The following ARID5B variants were observed in gnomAD, a reference collection of about 807,000 sequenced individuals.
The protein encoded by ARID5B is AT-rich interactive domain-containing protein 5B.
A neutral mutation model predicts 97.2 loss-of-function variants in ARID5B; 13 were observed. The observed-to-expected ratio is 0.13, with a 90% CI of 0.09 to 0.21. ARID5B has a LOEUF of 0.21. ARID5B is among the 10% of genes least tolerant of loss of function. The pLI is 1.00. For missense variants in ARID5B, 1,210 were observed against 1,465.3 expected, an observed-to-expected ratio of 0.83 and a Z score of 2.84; for synonymous variants, 556 against 570.3, an observed-to-expected ratio of 0.97 and a Z score of 0.36.
intron 4 of ARID5B, among the ~76,000 whole-genome samples, chr10:62,005,310 G>A (rs549549464): frequency 2.6e-5 from 4 of 152,316 alleles, no homozygotes; most frequent in East Asian, 3.9e-4. Flanking sequence ...TCCCTCACTT[G>A]CCCCATCTGT....
At chr10:62,074,525 T>C (rs1040354665) in intron 8 of ARID5B, among the ~76,000 whole-genome samples, 8 of 152,020 alleles carry the variant, frequency 5.3e-5, no homozygotes, top group African/African-American at 1.9e-4. Context: ...CTTCATGTTT[T>C]GAATAAGATA....
At chr10:62,090,342 G>A (rs924504975) in intron 9 of ARID5B, among the ~76,000 whole-genome samples, 1 of 152,182 alleles carries the variant, frequency 6.6e-6, no homozygotes, top group Non-Finnish European at 1.5e-5. Context: ...CTAATCTTCA[G>A]TGCATCATAT....
At chr10:61,943,471 C>G (rs1446219976) in intron 3 of ARID5B, among the ~76,000 whole-genome samples, 1 of 25,482 alleles carries the variant, frequency 3.9e-5, no homozygotes, top group East Asian at 1.4e-3. Flanking sequence ...TTATTTGAGG[C>G]CCCCCCCCTT....
intron 2 of ARID5B, among the ~76,000 whole-genome samples, chr10:61,920,627 GA>G (rs1382794080): frequency 2.0e-5 from 3 of 151,444 alleles, no homozygotes; most frequent in African/African-American, 4.8e-5. Flanking sequence ...TGAGTAGATG[GA>G]AAAAAAAGGA....
Position 61,913,018 on chromosome 10 carries a change from T to G in ARID5B, c.276+10605T>G, listed in dbSNP as rs200940174. Among the ~76,000 whole-genome samples, 5 of 152,350 alleles carry G rather than the reference T, an allele frequency of 3.3e-5. No homozygotes were observed. The South Asian group carries it at 6.2e-4, about 19-fold the overall frequency. On this transcript the variant is annotated intron_variant, in intron 2 of 9. Transcript: ENST00000279873. ...GAATAAAAATGTTCTCACCCATTCCTTTGTCCTCAGACTTTCCTGAATGTG... is the reference window on the plus strand; with the variant it reads ...GAATAAAAATGTTCTCACCCATTCCGTTGTCCTCAGACTTTCCTGAATGTG...
Position 61,902,252 on chromosome 10 carries a change from G to A in ARID5B, c.115G>A (p.Gly39Ser), listed in dbSNP as rs1179582480. The change falls in exon 2 of 10, where the codon GGC becomes AGC. Residue 39 changes from glycine to serine, a missense_variant. By Grantham distance (56) the Gly-to-Ser change is moderately conservative. This residue lies in a region of ARID5B where 80 missense variants were observed against 133.2 expected (regional missense o/e 0.60). Coordinates refer to ENST00000279873, the MANE Select transcript of ARID5B (RefSeq NM_032199.3). The part of the protein sequence containing the change: ...LEGKPRILSL[G>S]DFFFVRCTPK... The stretch of plus-strand genomic sequence containing the variant: ...AGGCAAACCAAGAATTTTGTCCCTT[G>A]GCGACTTTTTCTTTGTAAGATGTAC... The A allele has an allele frequency of 3.1e-6, 5 of 1,613,860 alleles. No homozygotes were observed. Among genetic ancestry groups the A allele is most frequent in the Non-Finnish European group, 3.4e-6 (4 of 1,180,014 alleles).
intron 4 of ARID5B, among the ~76,000 whole-genome samples, chr10:62,021,033 T>A (rs1231045128): frequency 8.2e-5 from 2 of 24,504 alleles, no homozygotes; most frequent in Admixed American, 4.1e-4. Context: ...CACATGAATA[T>A]ATATATATAT....
chr10:62,007,581 T>C (rs1254729862), intron 4 of ARID5B, among the ~76,000 whole-genome samples: 1 of 152,202 alleles, frequency 6.6e-6, no homozygotes, highest in African/African-American at 2.4e-5. Flanking sequence ...AGCACTTAGA[T>C]GGTCCATGTA....
At position 62,095,403 on chromosome 10, in the gene ARID5B, G is replaced by A. The variant is rs1007097357; in HGVS notation, c.*2373G>A. The A allele has an allele frequency of 4.3e-5, 10 of 232,976 alleles. No individual in the cohort carries two copies. Among genetic ancestry groups the A allele is most frequent in the Admixed American group, 1.1e-4 (2 of 17,708 alleles). The allele number at this position is 232,976 out of a possible 1,614,324, so 14.4% of individuals were successfully genotyped here. A position where few individuals can be genotyped will look rare whatever the true frequency, so the allele number is the denominator to read the frequency against. ...AAAAGGAGGGGGGGCATCTGTCCCC[G>A]GTGGAGCTCACCTATTTGGAATATG... On this transcript the variant is annotated 3_prime_UTR_variant, in exon 10 of 10. Coordinates refer to ENST00000279873, the MANE Select transcript of ARID5B (RefSeq NM_032199.3).
intron 2 of ARID5B, among the ~76,000 whole-genome samples, chr10:61,934,995 A>G (rs1257555599): frequency 1.3e-5 from 2 of 151,482 alleles, no homozygotes; most frequent in Non-Finnish European, 2.9e-5. Context: ...CCTGGGCAAC[A>G]GAGCAAGACT....
intron 8 of ARID5B, among the ~76,000 whole-genome samples, chr10:62,083,026 G>GA (rs373835182): frequency 1.3e-5 from 2 of 151,772 alleles, no homozygotes; most frequent in Non-Finnish European, 2.9e-5. Context: ...AGAAGGGGGG[G>GA]AAAAAACACT....
intron 3 of ARID5B, among the ~76,000 whole-genome samples, chr10:61,976,190 C>T (rs1838695656): frequency 6.6e-6 from 1 of 152,226 alleles, no homozygotes; most frequent in Non-Finnish European, 1.5e-5. Flanking sequence ...ACTGGCTACA[C>T]ATGGCTGTTG....
Position 62,093,240 on chromosome 10 carries a change from C to T in ARID5B, c.*210C>T. ...AAACTGACTGGCTGGTGAGTCTTGA[C>T]TCCCTTCCAACACAGATGCCCAGGC... On this transcript the variant is annotated 3_prime_UTR_variant, in exon 10 of 10. Coordinates refer to ENST00000279873, the MANE Select transcript of ARID5B (RefSeq NM_032199.3). 1.5e-6 allele frequency: 1 copy of T among 650,642 alleles called. No individual in the cohort carries two copies. The highest frequency in any genetic ancestry group is 2.4e-5 in the South Asian group (1 of 41,662). The allele number at this position is 650,642 out of a possible 1,614,324, so 40.3% of individuals were successfully genotyped here. A position where few individuals can be genotyped will look rare whatever the true frequency, so the allele number is the denominator to read the frequency against.
chr10:62,030,405 A>G (rs12253596), intron 4 of ARID5B, among the ~76,000 whole-genome samples: 2,240 of 152,302 alleles, frequency 0.015, 68 homozygotes, highest in African/African-American at 0.051. Context: ...TGCTGGGATT[A>G]CAGGCGTGAG....
intron 7 of ARID5B, among the ~76,000 whole-genome samples, chr10:62,067,637 G>A (rs887831104): frequency 6.6e-6 from 1 of 152,216 alleles, no homozygotes; most frequent in Non-Finnish European, 1.5e-5. Context: ...ACAAGCATGG[G>A]CTATTCTCAG....
Position 61,902,194 on chromosome 10 carries a change from C to A in ARID5B, c.57C>A (p.Tyr19Ter). The A allele has an allele frequency of 6.2e-7, 1 of 1,613,398 alleles. No individual in the cohort carries two copies. The highest frequency in any genetic ancestry group is 8.5e-7 in the Non-Finnish European group (1 of 1,180,024). ...VGSPCGLHGP[Y>*]IFYKAFQFHL... The stretch of plus-strand genomic sequence containing the variant: ...CACCGTGTGGCTTGCACGGACCTTA[C>A]ATTTTCTACAAGGCTTTTCAATTCC... Residue 19 changes from tyrosine to a stop codon, truncating the protein, a stop_gained, in exon 2 of 10, where the codon TAC (tyrosine) becomes TAA (stop). Coordinates refer to ENST00000279873, the MANE Select transcript of ARID5B (RefSeq NM_032199.3). LOFTEE classifies it high-confidence loss of function.
At chr10:62,014,519 G>A (rs920398294) in intron 4 of ARID5B, among the ~76,000 whole-genome samples, 1 of 152,096 alleles carries the variant, frequency 6.6e-6, no homozygotes, top group African/African-American at 2.4e-5. Context: ...CCTGATTTTG[G>A]AGGTATATAC....
At chr10:61,916,787 G>A (rs1352801744) in intron 2 of ARID5B, among the ~76,000 whole-genome samples, 1 of 152,142 alleles carries the variant, frequency 6.6e-6, no homozygotes, top group Non-Finnish European at 1.5e-5. Context: ...ATAAAACTGC[G>A]CAACAGCTGT....
At chr10:62,058,785 A>G (rs1025955128) in intron 6 of ARID5B, among the ~76,000 whole-genome samples, 2 of 152,206 alleles carry the variant, frequency 1.3e-5, no homozygotes, top group African/African-American at 4.8e-5. Flanking sequence ...CAGACATTCT[A>G]TTAAGAAGGT....
Sources: allele counts gnomAD v4.1 joint callset (sites outside exome capture counted in the v4.1 genomes callset), GRCh38; gene constraint gnomAD v4.1.1; regional missense constraint gnomAD v4.1.1; transcripts MANE v1.5; gene names NCBI Gene and HGNC (gene_info 2026-07-23, HGNC 2026-07-21).